MYH1: variants seen among roughly 807,000 people sequenced by gnomAD.
MYH1 encodes the protein myosin heavy chain 1, also known as myosin-1.
A neutral mutation model predicts 225.6 loss-of-function variants in MYH1; 214 were observed. The ratio of observed to expected loss-of-function variants is 0.95; its 90% CI spans 0.85 to 1.06. MYH1 has a LOEUF of 1.06. Among genes scored for constraint, MYH1 ranks in the 50% least tolerant of loss-of-function variants. The pLI is 0.00. For synonymous variants in MYH1, 774 were observed against 842.3 expected (o/e 0.92, Z 1.40); for missense variants, 2,098 against 2,344.2 (o/e 0.89, Z 2.17).
Position 10,512,855 on chromosome 17 carries a change from T to C in MYH1, c.904+12A>G. Reference sequence around the variant, plus strand: ...ACAGTGACAATCTTCTAGCTATGAATTTATTTCTTACCAATTAGATCTGGC... The same window carrying C: ...ACAGTGACAATCTTCTAGCTATGAACTTATTTCTTACCAATTAGATCTGGC... On this transcript the variant is annotated intron_variant, in intron 10 of 39. Coordinates refer to ENST00000226207, the MANE Select transcript of MYH1 (RefSeq NM_005963.4). 1 of 1,606,938 alleles carries C rather than the reference T, an allele frequency of 6.2e-7. No homozygotes were observed. The highest frequency in any genetic ancestry group is 8.5e-7 in the Non-Finnish European group (1 of 1,173,488).
At chr17:10,511,643 T>C (rs1255152242) in intron 14 of MYH1, among the ~76,000 whole-genome samples, 196 bp downstream of exon 14, 1 of 152,202 alleles carries the variant, frequency 6.6e-6, no homozygotes, top group Non-Finnish European at 1.5e-5. Flanking sequence ...GAGCAGGAGT[T>C]TGAATCCAGG....
At position 10,506,275 on chromosome 17, in the gene MYH1, T is replaced by A. The variant is rs182297816; in HGVS notation, c.1969-176A>T. Among the ~76,000 whole-genome samples, 3 of 152,340 alleles carry A rather than the reference T, an allele frequency of 2.0e-5. No homozygotes were observed. In the East Asian group the frequency reaches 5.8e-4, roughly 29 times the overall value. On this transcript the variant is annotated intron_variant, in intron 17 of 39. Coordinates refer to ENST00000226207, the MANE Select transcript of MYH1 (RefSeq NM_005963.4). Reference sequence around the variant, plus strand: ...ACATTCCTAATATGTCCCCCTGTTTTCTGTTGGTGTGCATTAGAAGCATAG... The same window carrying A: ...ACATTCCTAATATGTCCCCCTGTTTACTGTTGGTGTGCATTAGAAGCATAG...
At chr17:10,495,887 G>A (rs1262609089) in intron 35 of MYH1, 63 bp downstream of exon 35, 37 of 1,594,130 alleles carry the variant, frequency 2.3e-5, no homozygotes, top group Non-Finnish European at 3.2e-5. Context: ...ATAGTACCAC[G>A]ATTTCAGCAA....
rs376418640 is a variant in MYH1 at position 10,504,799 on chromosome 17, G to A, written c.2691+11C>T. 5.0e-6 allele frequency: 8 copies of A among 1,613,076 alleles called. No homozygotes were observed. The highest frequency in any genetic ancestry group is 4.5e-5 in the East Asian group (2 of 44,890). On this transcript the variant is annotated intron_variant, in intron 22 of 39. Transcript: ENST00000226207. ...GCATCAGATTGCAGGAAATGACTTCGGGATACTCACAGCTTGAACCTGGAG... is the reference window on the plus strand; with the variant it reads ...GCATCAGATTGCAGGAAATGACTTCAGGATACTCACAGCTTGAACCTGGAG...
At chr17:10,493,439 G>A (rs2072954992) in intron 39 of MYH1, among the ~76,000 whole-genome samples, 1 of 152,152 alleles carries the variant, frequency 6.6e-6, no homozygotes, top group South Asian at 2.1e-4. Context: ...TTTGTGATAT[G>A]TAACTATGAA....
chr17:10,513,610 A>C lies in MYH1; in HGVS notation c.805+16T>G. The C allele has an allele frequency of 6.2e-7, 1 of 1,610,924 alleles. No homozygotes were observed. The highest frequency in any genetic ancestry group is 1.1e-5 in the South Asian group (1 of 90,998). On this transcript the variant is annotated intron_variant, in intron 9 of 39. Coordinates refer to ENST00000226207, the MANE Select transcript of MYH1 (RefSeq NM_005963.4). ...TTGTCATTCTTGGATTCTATTTAGG[A>C]GGTCCTGTTACTCACATGTTTCAAT... is the stretch of plus-strand genomic sequence containing the variant.
rs1270524002 is a variant in MYH1 at position 10,494,741 on chromosome 17, ACTT to A, written c.5467-71_5467-69del. ...TTCTACTTCTTCACATGACCCACAT[ACTT>A]CTTCTACTCTGCTTTATATGTAGTT... On this transcript the variant is annotated intron_variant, in intron 37 of 39. Transcript: ENST00000226207. The A allele has an allele frequency of 6.4e-5, 102 of 1,601,228 alleles. No individual in the cohort carries two copies. The East Asian group carries it at 1.9e-3, about 30-fold the overall frequency.
intron 24 of MYH1, 31 bp downstream of exon 24, chr17:10,502,707 A>C: frequency 6.2e-7 from 1 of 1,614,018 alleles, no homozygotes; most frequent in Non-Finnish European, 8.5e-7. Context: ...ACAAAATTTA[A>C]AAAATCATTT....
In MYH1 at chr17:10,509,549, C is replaced by T. The variant is rs372408756; in HGVS notation, c.1523G>A (p.Gly508Asp). The T allele has an allele frequency of 1.7e-5, 27 of 1,614,062 alleles. No individual in the cohort carries two copies. The highest frequency in any genetic ancestry group is 2.2e-5 in the Non-Finnish European group (26 of 1,180,048). ...AAAGTCAATGAACGTCCACTCAATGCCTTCCTTCTTGTACTCCTCCTGCTC... is the reference window on the plus strand; with the variant it reads ...AAAGTCAATGAACGTCCACTCAATGTCTTCCTTCTTGTACTCCTCCTGCTC... ...VLEQEEYKKE[G>D]IEWTFIDFGM... The change falls in exon 15 of 40, where the codon GGC becomes GAC. Residue 508 changes from glycine (G) to aspartate (D), a missense_variant. Gly to Asp is a moderately conservative substitution (Grantham distance 94). Coordinates refer to ENST00000226207, the MANE Select transcript of MYH1 (RefSeq NM_005963.4).
rs747076910 is a variant in MYH1 at position 10,496,102 on chromosome 17, C to T, written c.5017G>A (p.Glu1673Lys). 6.2e-7 allele frequency: 1 copy of T among 1,614,136 alleles called. No individual in the cohort carries two copies. Among genetic ancestry groups the T allele is most frequent in the Non-Finnish European group, 8.5e-7 (1 of 1,180,028 alleles). ...DALRSQEDLK[E>K]QLAMVERRAN... ...CTGCGCTCCACCATAGCCAGCTGTT[C>T]CTTCAGGTCCTCCTGGCTCCGGAGA... The change falls in exon 35 of 40, where the codon GAA (glutamate) becomes AAA (lysine). Residue 1673 changes from glutamate to lysine, a missense_variant. Coordinates refer to ENST00000226207, the MANE Select transcript of MYH1 (RefSeq NM_005963.4).
chr17:10,517,611 C>T (rs952239707), intron 2 of MYH1, among the ~76,000 whole-genome samples: 5 of 152,146 alleles, frequency 3.3e-5, no homozygotes, highest in African/African-American at 1.2e-4. Flanking sequence ...ATACATTTCT[C>T]CCATTGAAAC....
At position 10,497,846 on chromosome 17, in the gene MYH1, A is replaced by G. The variant is rs1184301499; in HGVS notation, c.4253T>C (p.Leu1418Pro). 3 of 1,613,984 alleles carry G rather than the reference A, an allele frequency of 1.9e-6. No individual in the cohort carries two copies. Among genetic ancestry groups the G allele is most frequent in the Non-Finnish European group, 2.5e-6 (3 of 1,179,992 alleles). Residue 1418 changes from leucine to proline, a missense_variant, in exon 31 of 40, where the codon CTT (leucine) becomes CCT (proline). Transcript: ENST00000226207. ...VEAVNAKCAS[L>P]EKTKQRLQNE... ...CTGGAGCCTCTGCTTCGTCTTCTCAAGGGAAGCACATTTGGCATTCACAGC... is the reference window on the plus strand; with the variant it reads ...CTGGAGCCTCTGCTTCGTCTTCTCAGGGGAAGCACATTTGGCATTCACAGC...
In MYH1 at chr17:10,492,433, T is replaced by G; in HGVS notation, c.5803A>C (p.Ile1935Leu). 6.2e-7 allele frequency: 1 copy of G among 1,613,862 alleles called. No homozygotes were observed. Among genetic ancestry groups the G allele is most frequent in the Non-Finnish European group, 8.5e-7 (1 of 1,179,930 alleles). ...TAGATAAATTACTCTTCACTTATGATTTTTGTGTGAACCTCCCTGCTCTTC... is the reference window on the plus strand; with the variant it reads ...TAGATAAATTACTCTTCACTTATGAGTTTTGTGTGAACCTCCCTGCTCTTC... ...RVKSREVHTK[I>L]ISEE is the part of the protein sequence containing the mutation. The change falls in exon 40 of 40, where the codon ATC becomes CTC. Residue 1935 changes from isoleucine to leucine, a missense_variant. Ile to Leu is a conservative substitution (Grantham distance 5). Coordinates refer to ENST00000226207, the MANE Select transcript of MYH1 (RefSeq NM_005963.4).
intron 14 of MYH1, 62 bp from the exon 15 acceptor site, chr17:10,509,717 G>A (rs2073153462): frequency 6.2e-7 from 1 of 1,613,566 alleles, no homozygotes; most frequent in Admixed American, 1.7e-5. Context: ...CTTTGAAAGG[G>A]GTGTTTTTTT....
chr17:10,507,897 C>T lies in MYH1; in HGVS notation c.1957G>A (p.Ala653Thr), dbSNP rs140357724. 2 of 1,612,854 alleles carry T rather than the reference C, an allele frequency of 1.2e-6. No individual in the cohort carries two copies. Among genetic ancestry groups the T allele is most frequent in the African/African-American group, 2.7e-5 (2 of 74,938 alleles). Residue 653 changes from alanine to threonine, a missense_variant, in exon 17 of 40, where the codon GCT becomes ACT. Coordinates refer to ENST00000226207, the MANE Select transcript of MYH1 (RefSeq NM_005963.4). Reference sequence around the variant, plus strand: ...AATGAAGTTTGTACCCTGAAGAGAGCAGACACAGTCTGGAAAGAAGAACCC... The same window carrying T: ...AATGAAGTTTGTACCCTGAAGAGAGTAGACACAGTCTGGAAAGAAGAACCC... ...KKGSSFQTVS[A>T]LFRENLNKLM...
intron 17 of MYH1, 95 bp downstream of exon 17, chr17:10,507,791 G>T: frequency 9.6e-7 from 1 of 1,042,616 alleles, no homozygotes; most frequent in Non-Finnish European, 1.5e-6. Context: ...AGTCACATCA[G>T]TTCTAGAATC....
At chr17:10,503,572 A>G (rs1159909899) in intron 22 of MYH1, among the ~76,000 whole-genome samples, 1 of 152,188 alleles carries the variant, frequency 6.6e-6, no homozygotes, top group Non-Finnish European at 1.5e-5. Context: ...CCAATAGACA[A>G]AAGGATTGGG....
chr17:10,501,057 T>C (rs1225641877), intron 27 of MYH1, 53 bp downstream of exon 27: 3 of 1,598,276 alleles, frequency 1.9e-6, no homozygotes, highest in Non-Finnish European at 2.6e-6. Context: ...ATCATATTTG[T>C]GCTAAAGGGA....
chr17:10,501,530 T>G lies in MYH1; in HGVS notation c.3349-31A>C, dbSNP rs200926215. 1.1e-4 allele frequency: 175 copies of G among 1,614,168 alleles called. 1 individual carries two copies. The East Asian group carries it at 3.4e-3, about 31-fold the overall frequency. ...AATGGTGAAAAATATTAATACGAAC[T>G]CAACTTCTTGGTGTCAGTAACTTTT... is the stretch of plus-strand genomic sequence containing the variant. On this transcript the variant is annotated intron_variant, in intron 26 of 39. Coordinates refer to ENST00000226207, the MANE Select transcript of MYH1 (RefSeq NM_005963.4).
Sources: gnomAD v4.1 joint callset for allele counts (sites outside exome capture counted in the v4.1 genomes callset) on GRCh38, gnomAD v4.1.1 for gene constraint, MANE v1.5 for transcripts, NCBI Gene and HGNC (gene_info 2026-07-23, HGNC 2026-07-21) for gene names.